Variants in KAZN observed in about 807,000 individuals in gnomAD.
The protein encoded by KAZN is kazrin, periplakin interacting protein.
KAZN carries 40 observed loss-of-function variants against 87.4 expected under a neutral mutation model. The ratio of observed to expected loss-of-function variants is 0.46; its 90% CI spans 0.36 to 0.60. The LOEUF is 0.60. KAZN is among the 20% of genes least tolerant of loss of function. The probability of loss-of-function intolerance (pLI) is 0.00; values close to 1 mark genes in which losing one functional copy is unlikely to be tolerated. For synonymous variants in KAZN, 466 were observed against 458.3 expected (o/e 1.02, Z -0.22); for missense variants, 898 against 1,073.9 (o/e 0.84, Z 2.29).
intron 2 of KAZN, among the ~76,000 whole-genome samples, chr1:14,308,398 G>A (rs954826882): frequency 1.3e-5 from 2 of 152,132 alleles, no homozygotes; most frequent in Non-Finnish European, 2.9e-5. Flanking sequence ...ATTGGGTCAG[G>A]AAAACAAAAT....
At chr1:14,389,862 T>C (rs759846089) in intron 2 of KAZN, among the ~76,000 whole-genome samples, 6 of 152,214 alleles carry the variant, frequency 3.9e-5, no homozygotes, top group South Asian at 2.1e-4. Context: ...AAGAGTAAAA[T>C]TGAATTGTTT....
At chr1:15,017,688 C>A (rs2102135409) in intron 2 of KAZN, among the ~76,000 whole-genome samples, 1 of 152,216 alleles carries the variant, frequency 6.6e-6, no homozygotes, top group Admixed American at 6.5e-5. Context: ...CCTGTAATCC[C>A]AGCTACATGG....
chr1:14,651,633 G>A (rs1267535800), intron 1 of KAZN, among the ~76,000 whole-genome samples: 1 of 152,178 alleles, frequency 6.6e-6, no homozygotes, highest in Non-Finnish European at 1.5e-5. Flanking sequence ...TTCTATGGAA[G>A]CATTGTTGAA....
chr1:14,107,617 C>T (rs541965177), intron 1 of KAZN, among the ~76,000 whole-genome samples: 7 of 152,212 alleles, frequency 4.6e-5, no homozygotes, highest in South Asian at 4.2e-4. Context: ...AAGGCCACCT[C>T]GGTTGAGCTC....
At position 14,364,427 on chromosome 1, in the gene KAZN, A is replaced by G. The variant is rs142268697; in HGVS notation, c.249+183835A>G. Among the ~76,000 whole-genome samples the G allele has an allele frequency of 5.8e-3, 878 of 152,310 alleles. 9 individuals carry two copies. Among genetic ancestry groups the G allele is most frequent in the African/African-American group, 0.02 (841 of 41,552 alleles). On this transcript the variant is annotated intron_variant, in intron 2 of 16. Coordinates refer to the KAZN transcript ENST00000636203. ...TGAAGCATGCAGCATGAGCACTGGC[A>G]CACACAATACATTTCTGAACAAATG... is the stretch of plus-strand genomic sequence containing the variant.
intron 1 of KAZN, among the ~76,000 whole-genome samples, chr1:14,822,085 G>T (rs919082003): frequency 1.3e-5 from 2 of 152,140 alleles, no homozygotes; most frequent in Non-Finnish European, 1.5e-5. Context: ...GGAGTTTCCT[G>T]GTTCCCCACC....
chr1:14,591,178 C>G (rs531577422), intron 2 of KAZN, among the ~76,000 whole-genome samples: 24 of 152,116 alleles, frequency 1.6e-4, no homozygotes, highest in South Asian at 8.3e-4. Flanking sequence ...AGTGCCCCCC[C>G]CCCATGGACA....
chr1:14,159,527 C>A (rs1373443911), intron 1 of KAZN, among the ~76,000 whole-genome samples: 3 of 152,338 alleles, frequency 2.0e-5, no homozygotes, highest in East Asian at 1.9e-4. Flanking sequence ...TGGTCCAGGG[C>A]AGGCCCAGAA....
Position 14,773,391 on chromosome 1 carries a change from T to C in KAZN, c.226+174168T>C, listed in dbSNP as rs1053678999. ...CTTCAAATGGCTTTCAACAACGCCC[T>C]CCACTCCACGGGGTCTCCCTTCTTG... On this transcript the variant is annotated intron_variant, in intron 1 of 14. Transcript: ENST00000376030. This position sits in a 1 kb window ranked among gnomAD's most constrained non-coding sequence, Gnocchi z 5.9. Among the ~76,000 whole-genome samples the C allele has an allele frequency of 6.6e-6, 1 of 152,060 alleles. No individual in the cohort carries two copies. The highest frequency in any genetic ancestry group is 6.6e-5 in the Admixed American group (1 of 15,266).
intron 2 of KAZN, among the ~76,000 whole-genome samples, chr1:14,448,595 G>T (rs942233263): frequency 2.0e-5 from 3 of 152,184 alleles, no homozygotes; most frequent in Non-Finnish European, 4.4e-5. Flanking sequence ...GCACATCCTG[G>T]ATTGAAGTCA....
intron 2 of KAZN, among the ~76,000 whole-genome samples, chr1:14,963,782 C>A (rs887952406): frequency 2.0e-5 from 3 of 151,588 alleles, no homozygotes; most frequent in African/African-American, 7.3e-5. Context: ...CCTCCCCTTG[C>A]CCCCTACTGC....
At chr1:14,409,362 A>G (rs918246690) in intron 2 of KAZN, among the ~76,000 whole-genome samples, 3 of 152,250 alleles carry the variant, frequency 2.0e-5, no homozygotes, top group Non-Finnish European at 4.4e-5. Flanking sequence ...GGGAGGGCTA[A>G]TATTAACCAC....
At chr1:14,040,284 T>C (rs1054740504) in intron 1 of KAZN, among the ~76,000 whole-genome samples, 4 of 152,086 alleles carry the variant, frequency 2.6e-5, no homozygotes, top group African/African-American at 9.7e-5. Flanking sequence ...TAACAGGAAA[T>C]TGAAGCTTCT....
chr1:14,661,697 C>T (rs1167174038), intron 1 of KAZN, among the ~76,000 whole-genome samples: 1 of 151,430 alleles, frequency 6.6e-6, no homozygotes, highest in African/African-American at 2.4e-5. Flanking sequence ...AGGGGATCAC[C>T]TGAGGTCAGG....
chr1:13,947,793 C>G (rs1376577178), intron 1 of KAZN, among the ~76,000 whole-genome samples: 2 of 152,140 alleles, frequency 1.3e-5, no homozygotes, highest in Non-Finnish European at 2.9e-5. Context: ...CGTGATCTTC[C>G]GTCTGTGTGT....
chr1:14,909,581 G>T (rs1049931700), intron 1 of KAZN, among the ~76,000 whole-genome samples: 3 of 152,104 alleles, frequency 2.0e-5, no homozygotes, highest in Admixed American at 1.3e-4. Flanking sequence ...ATCTTTCAAA[G>T]CCAGGGCCAA....
At chr1:14,246,911 T>G (rs112437761) in intron 2 of KAZN, among the ~76,000 whole-genome samples, 4,122 of 152,326 alleles carry the variant, frequency 0.027, 196 homozygotes, top group African/African-American at 0.093. Context: ...GTGTGATTTC[T>G]GAGTCTCCAG....
At chr1:15,022,470 C>G (rs1458402620) in intron 2 of KAZN, among the ~76,000 whole-genome samples, 1 of 152,230 alleles carries the variant, frequency 6.6e-6, no homozygotes, top group Non-Finnish European at 1.5e-5. Context: ...AAGGTCACAA[C>G]AAGCAAATGG....
intron 1 of KAZN, among the ~76,000 whole-genome samples, chr1:14,759,394 C>A (rs543160839): frequency 1.3e-5 from 2 of 152,264 alleles, no homozygotes; most frequent in South Asian, 4.1e-4. Context: ...CTTTATCTCC[C>A]ACCCCCTGTT....
Sources: gnomAD v4.1 joint callset for allele counts (sites outside exome capture counted in the v4.1 genomes callset) on GRCh38, gnomAD v4.1.1 for gene constraint, Gnocchi (gnomAD v3.1) non-coding constraint, MANE v1.5 for transcripts, NCBI Gene and HGNC (gene_info 2026-07-23, HGNC 2026-07-21) for gene names.